Variants in CAMTA1 observed in about 807,000 individuals in gnomAD.
CAMTA1 encodes calmodulin-binding transcription activator 1.
A neutral mutation model predicts 170.9 loss-of-function variants in CAMTA1; 27 were observed. The ratio of observed to expected loss-of-function variants is 0.16; its 90% CI spans 0.12 to 0.22. The LOEUF is 0.22. CAMTA1 is among the 10% of genes least tolerant of loss of function. CAMTA1 has a pLI of 1.00. For missense variants in CAMTA1, 1,619 were observed against 2,217.2 expected, an observed-to-expected ratio of 0.73 and a Z score of 5.42; for synonymous variants, 833 against 891.5, an observed-to-expected ratio of 0.93 and a Z score of 1.17.
intron 6 of CAMTA1, among the ~76,000 whole-genome samples, chr1:7,598,290 A>G (rs2095415932): frequency 6.6e-6 from 1 of 152,202 alleles, no homozygotes; most frequent in Non-Finnish European, 1.5e-5. Flanking sequence ...GCTGCATAGT[A>G]TTCCATGGTG....
intron 6 of CAMTA1, among the ~76,000 whole-genome samples, chr1:7,509,703 C>T (rs1038630953): frequency 2.6e-5 from 4 of 152,166 alleles, no homozygotes; most frequent in Non-Finnish European, 5.9e-5. Flanking sequence ...TGGGACCCTA[C>T]GGTGCACAGC....
intron 5 of CAMTA1, among the ~76,000 whole-genome samples, chr1:7,447,874 T>C (rs2092719474): frequency 6.6e-6 from 1 of 152,208 alleles, no homozygotes; most frequent in African/African-American, 2.4e-5. Context: ...CTTTTTATAG[T>C]GCAGGCACCT....
At chr1:7,335,499 G>T (rs938896275) in intron 5 of CAMTA1, among the ~76,000 whole-genome samples, 58 of 152,228 alleles carry the variant, frequency 3.8e-4, no homozygotes, top group African/African-American at 1.3e-3. Flanking sequence ...CCAACTTCCC[G>T]CCTGATGCCC....
intron 4 of CAMTA1, among the ~76,000 whole-genome samples, chr1:7,119,399 C>T (rs1344185880): frequency 6.6e-6 from 1 of 152,144 alleles, no homozygotes; most frequent in African/African-American, 2.4e-5. Flanking sequence ...CTCCTAACCT[C>T]CCCATACCCC....
At chr1:7,089,855 A>G (rs1444314676) in intron 3 of CAMTA1, among the ~76,000 whole-genome samples, 2 of 152,220 alleles carry the variant, frequency 1.3e-5, no homozygotes, top group Admixed American at 6.5e-5. Context: ...GGAAGGATCT[A>G]TCTACAGTGA....
intron 16 of CAMTA1, among the ~76,000 whole-genome samples, chr1:7,742,444 C>T (rs536137405): frequency 7.2e-5 from 11 of 152,138 alleles, no homozygotes; most frequent in South Asian, 6.2e-4. Context: ...ATAGCAACTA[C>T]GTATATAATT....
intron 5 of CAMTA1, among the ~76,000 whole-genome samples, chr1:7,404,367 A>T (rs1349152177): frequency 6.6e-6 from 1 of 152,206 alleles, no homozygotes. Flanking sequence ...CCTATTCCGT[A>T]CAATTCTATA....
intron 4 of CAMTA1, among the ~76,000 whole-genome samples, chr1:7,189,703 AC>A (rs551246300): frequency 3.2e-3 from 482 of 152,354 alleles, no homozygotes; most frequent in African/African-American, 0.011. Flanking sequence ...AACTAGTACA[AC>A]CACTATGGAA....
At chr1:7,766,072 T>C (rs2150340222) in intron 22 of CAMTA1, among the ~76,000 whole-genome samples, 1 of 151,356 alleles carries the variant, frequency 6.6e-6, no homozygotes, top group African/African-American at 2.4e-5. Flanking sequence ...ACAGTTTCCC[T>C]AATTTACATC....
intron 5 of CAMTA1, among the ~76,000 whole-genome samples, chr1:7,259,213 A>C (rs986986500): frequency 6.6e-6 from 1 of 152,132 alleles, no homozygotes; most frequent in Non-Finnish European, 1.5e-5. Context: ...AAAGCAGGTG[A>C]TTTCATGAAA....
chr1:7,219,347 G>A (rs1290703461), intron 4 of CAMTA1: 1 of 151,712 alleles, frequency 6.6e-6, no homozygotes, highest in East Asian at 1.9e-4. Context: ...TCTCTATCAA[G>A]AAGGGACCCG....
chr1:6,947,372 CTTTAA>C (rs961201146), intron 3 of CAMTA1, among the ~76,000 whole-genome samples: 1 of 151,124 alleles, frequency 6.6e-6, no homozygotes, highest in African/African-American at 2.4e-5. Context: ...TTTCCATTGT[CTTTAA>C]TTTTTTTTTT....
intron 6 of CAMTA1, among the ~76,000 whole-genome samples, chr1:7,595,292 T>C (rs2095390904): frequency 6.6e-6 from 1 of 152,196 alleles, no homozygotes; most frequent in African/African-American, 2.4e-5. Context: ...AAAGTCTGCA[T>C]TTGAGTAATT....
chr1:7,279,892 A>G (rs1392475173), intron 5 of CAMTA1, among the ~76,000 whole-genome samples: 3 of 152,146 alleles, frequency 2.0e-5, no homozygotes, highest in African/African-American at 7.2e-5. Context: ...TTGCCAAGAG[A>G]GACCCTTAGT....
intron 3 of CAMTA1, among the ~76,000 whole-genome samples, chr1:6,979,129 C>G (rs920178990): frequency 3.3e-5 from 5 of 152,102 alleles, no homozygotes; most frequent in Admixed American, 3.3e-4. Context: ...GGAAGGAAAA[C>G]GAGAGGGAAG....
chr1:7,213,381 A>C (rs1322792187), intron 4 of CAMTA1, among the ~76,000 whole-genome samples: 1 of 152,104 alleles, frequency 6.6e-6, no homozygotes, highest in Non-Finnish European at 1.5e-5. Flanking sequence ...ACACCTTTGC[A>C]TGTGTTTATT....
At chr1:6,933,648 G>A (rs990535235) in intron 3 of CAMTA1, among the ~76,000 whole-genome samples, 17 of 151,848 alleles carry the variant, frequency 1.1e-4, no homozygotes, top group African/African-American at 4.1e-4. Context: ...TGTGAGGTAT[G>A]GGTTGAGGTT....
At chr1:7,636,709 C>CAAAAAAAAA (rs34844874) in intron 6 of CAMTA1, among the ~76,000 whole-genome samples, 1 of 138,226 alleles carries the variant, frequency 7.2e-6, no homozygotes, top group African/African-American at 2.6e-5. Context: ...AACTCCATCT[C>CAAAAAAAAA]AAAAAAAAAA....
At chr1:7,349,684 G>T (rs2084507424) in intron 5 of CAMTA1, among the ~76,000 whole-genome samples, 1 of 152,178 alleles carries the variant, frequency 6.6e-6, no homozygotes, top group Non-Finnish European at 1.5e-5. Flanking sequence ...TATATAAGGT[G>T]ACCGGTCAGA....
Sources: allele counts gnomAD v4.1 joint callset (sites outside exome capture counted in the v4.1 genomes callset), GRCh38; gene constraint gnomAD v4.1.1; transcripts MANE v1.5; gene names NCBI Gene and HGNC (gene_info 2026-07-23, HGNC 2026-07-21).